The following PDLIM5 variants were observed in gnomAD, a reference collection of about 807,000 sequenced individuals.
The protein encoded by PDLIM5 is PDZ and LIM domain protein 5.
PDLIM5 carries 34 observed loss-of-function variants against 64.2 expected under a neutral mutation model. The ratio of observed to expected loss-of-function variants is 0.53; its 90% confidence interval spans 0.40 to 0.71. The LOEUF (loss-of-function observed/expected upper bound fraction) is 0.71, where lower values mean the gene tolerates loss of function less well. Ranked by LOEUF, PDLIM5 falls within the 30% of genes least tolerant of loss-of-function variation. The probability of loss-of-function intolerance (pLI) is 0.00; values close to 1 mark genes in which losing one functional copy is unlikely to be tolerated. For missense variants in PDLIM5, 683 were observed against 733.6 expected (o/e 0.93, Z 0.80); for synonymous variants, 253 against 269.1 (o/e 0.94, Z 0.59).
At chr4:94,588,437 C>G (rs1736416378) in intron 7 of PDLIM5, among the ~76,000 whole-genome samples, 2 of 152,146 alleles carry the variant, frequency 1.3e-5, no homozygotes, top group Non-Finnish European at 2.9e-5. Flanking sequence ...GTGGCGCATG[C>G]CTGTAATCCC....
At chr4:94,518,282 G>T (rs1178736162) in intron 2 of PDLIM5, among the ~76,000 whole-genome samples, 1 of 152,132 alleles carries the variant, frequency 6.6e-6, no homozygotes, top group Admixed American at 6.5e-5. Flanking sequence ...GCTCTCAAGA[G>T]GTAATAGCTA....
intron 2 of PDLIM5, among the ~76,000 whole-genome samples, chr4:94,496,522 G>T (rs1727412560): frequency 6.6e-6 from 1 of 152,164 alleles, no homozygotes; most frequent in Admixed American, 6.5e-5. Flanking sequence ...CACAGTCTCA[G>T]TCTGTTGCCC....
intron 3 of PDLIM5, among the ~76,000 whole-genome samples, chr4:94,563,853 G>A (rs1734044918): frequency 6.6e-6 from 1 of 151,366 alleles, no homozygotes; most frequent in Non-Finnish European, 1.5e-5. Flanking sequence ...TTAGTAAGTA[G>A]GCTTGTACAG....
At chr4:94,557,758 T>C (rs1733479582) in intron 3 of PDLIM5, among the ~76,000 whole-genome samples, 1 of 152,218 alleles carries the variant, frequency 6.6e-6, no homozygotes. Flanking sequence ...ATTGGTTTTG[T>C]ATCCTGAGAC....
intron 3 of PDLIM5, among the ~76,000 whole-genome samples, chr4:94,541,173 T>C (rs952950759): frequency 6.6e-6 from 1 of 152,198 alleles, no homozygotes; most frequent in Non-Finnish European, 1.5e-5. Flanking sequence ...GGATGTAGGA[T>C]ACTTAGTATC....
chr4:94,512,776 G>A (rs1053096372), intron 2 of PDLIM5, among the ~76,000 whole-genome samples: 6 of 152,112 alleles, frequency 3.9e-5, no homozygotes, highest in African/African-American at 9.7e-5. Context: ...GGATGCCTAT[G>A]CTAGTAGGGT....
intron 2 of PDLIM5, among the ~76,000 whole-genome samples, chr4:94,496,159 A>G (rs1010810287): frequency 5.3e-5 from 8 of 152,190 alleles, no homozygotes; most frequent in Admixed American, 2.0e-4. Flanking sequence ...GATGATTTAC[A>G]TATAACCAAT....
At chr4:94,508,989 C>T (rs535126378) in intron 2 of PDLIM5, among the ~76,000 whole-genome samples, 23 of 152,160 alleles carry the variant, frequency 1.5e-4, no homozygotes, top group African/African-American at 4.8e-4. Context: ...TACTTCTTTC[C>T]TTTTTTTGTT....
intron 3 of PDLIM5, among the ~76,000 whole-genome samples, chr4:94,552,725 A>T (rs55858829): frequency 0.086 from 13,025 of 152,194 alleles, 931 homozygotes; most frequent in African/African-American, 0.2. Flanking sequence ...AAGTAGAATC[A>T]TAGAGAAGGA....
At position 94,461,503 on chromosome 4, in the gene PDLIM5, G is replaced by A. The variant is rs187213444; in HGVS notation, c.96+6119G>A. 2.6e-4 allele frequency among the ~76,000 whole-genome samples: 38 copies of A among 148,874 alleles called. 2 individuals carry two copies. In the South Asian group the frequency reaches 3.0e-3, roughly 12 times the overall value. ...GAGAGGGAAAAATCACTTTTCTAGC[G>A]TACTTTGTTTTTATTAAGAGGTTTT... On this transcript the variant is annotated intron_variant, in intron 2 of 12. Transcript: ENST00000317968.
At chr4:94,634,936 A>G (rs896241737) in intron 8 of PDLIM5, among the ~76,000 whole-genome samples, 2 of 152,226 alleles carry the variant, frequency 1.3e-5, no homozygotes, top group African/African-American at 4.8e-5. Flanking sequence ...AAATTTATAC[A>G]TTGTATGCTG....
At chr4:94,575,493 T>C in intron 4 of PDLIM5, 123 bp from the exon 5 acceptor site, 3 of 661,364 alleles carry the variant, frequency 4.5e-6, no homozygotes, top group East Asian at 2.7e-5. Context: ...GGAAACATGA[T>C]GTTTGAGCTG....
intron 2 of PDLIM5, among the ~76,000 whole-genome samples, chr4:94,470,491 T>C (rs1048857165): frequency 1.1e-4 from 17 of 152,198 alleles, no homozygotes; most frequent in Admixed American, 6.5e-4. Context: ...CTGAAAAAAT[T>C]TTTACAGTAT....
chr4:94,608,894 C>T (rs1371861658), intron 7 of PDLIM5, among the ~76,000 whole-genome samples: 9 of 152,104 alleles, frequency 5.9e-5, no homozygotes, highest in Non-Finnish European at 5.9e-5. Flanking sequence ...CAGACCCTGA[C>T]GTTTTCTTTT....
intron 11 of PDLIM5, among the ~76,000 whole-genome samples, 197 bp downstream of exon 11, chr4:94,657,744 T>C (rs1742321144): frequency 6.6e-6 from 1 of 152,160 alleles, no homozygotes; most frequent in African/African-American, 2.4e-5. Flanking sequence ...CTCACCCTTG[T>C]TGCCCAGACT....
intron 2 of PDLIM5, among the ~76,000 whole-genome samples, chr4:94,496,059 A>C (rs1447532512): frequency 2.0e-5 from 3 of 150,216 alleles, no homozygotes; most frequent in Admixed American, 6.6e-5. Flanking sequence ...ATTTCTAGCA[A>C]AAAAAAAAAC....
chr4:94,489,982 A>G (rs565150599), intron 2 of PDLIM5, among the ~76,000 whole-genome samples: 1 of 152,100 alleles, frequency 6.6e-6, no homozygotes, highest in South Asian at 2.1e-4. Flanking sequence ...TATCATATTG[A>G]TGTAACATAT....
intron 3 of PDLIM5, among the ~76,000 whole-genome samples, chr4:94,529,349 A>G (rs1730655277): frequency 1.3e-5 from 2 of 152,130 alleles, no homozygotes; most frequent in African/African-American, 4.8e-5. Context: ...TCCACCTAAG[A>G]ATTCCCAAGG....
At chr4:94,643,389 C>T (rs1741156320) in intron 9 of PDLIM5, among the ~76,000 whole-genome samples, 1 of 152,164 alleles carries the variant, frequency 6.6e-6, no homozygotes, top group Non-Finnish European at 1.5e-5. Context: ...TTATTTGACT[C>T]ATACTTATGA....
Sources: allele counts gnomAD v4.1 joint callset (sites outside exome capture counted in the v4.1 genomes callset), GRCh38; gene constraint gnomAD v4.1.1; transcripts MANE v1.5; gene names NCBI Gene and HGNC (gene_info 2026-07-23, HGNC 2026-07-21).